GPRC5B: variants seen among roughly 807,000 people sequenced by gnomAD.
The protein encoded by GPRC5B is G protein-coupled receptor class C group 5 member B, also known as G protein-coupled receptor family C group 5 member B.
A neutral mutation model predicts 30.1 loss-of-function variants in GPRC5B; 16 were observed. The observed-to-expected ratio is 0.53, with a 90% CI of 0.36 to 0.81. The LOEUF (loss-of-function observed/expected upper bound fraction) is 0.81, where lower values mean the gene tolerates loss of function less well. Ranked by LOEUF, GPRC5B falls within the 30% of genes least tolerant of loss-of-function variation. The pLI is 0.01. For missense variants in GPRC5B, 428 were observed against 544.7 expected (o/e 0.79, Z 2.13); for synonymous variants, 241 against 239.5 (o/e 1.01, Z -0.06).
chr16:19,872,792 G>A lies in GPRC5B; in HGVS notation c.54C>T (p.Leu18=), dbSNP rs2056733446. The A allele has an allele frequency of 1.2e-6, 2 of 1,613,906 alleles. No individual in the cohort carries two copies. The highest frequency in any genetic ancestry group is 1.7e-6 in the Non-Finnish European group (2 of 1,179,990). Residue 18 remains leucine, a synonymous_variant, in exon 2 of 4, where the codon CTC becomes CTT. Coordinates refer to ENST00000300571, the MANE Select transcript of GPRC5B (RefSeq NM_016235.3). This position sits in a 1 kb window ranked among gnomAD's most constrained non-coding sequence, Gnocchi z 5.0. The part of the protein sequence containing the change: ...KMRAHQVLTF[L]LLFVITSVAS... ...CCACCGAGGTGATCACGAAGAGCAG[G>A]AGGAAGGTGAGCACCTGGTGAGCTC...
Position 19,860,461 on chromosome 16 carries a change from C to A in GPRC5B, c.*39G>T, listed in dbSNP as rs746052504. The A allele has an allele frequency of 2.2e-6, 3 of 1,355,952 alleles. No homozygotes were observed. The highest frequency in any genetic ancestry group is 1.2e-5 in the South Asian group (1 of 84,916). The allele number at this position is 1,355,952 out of a possible 1,614,324, so 84.0% of individuals were successfully genotyped here. On this transcript the variant is annotated 3_prime_UTR_variant, in exon 4 of 4. Transcript: ENST00000300571. The stretch of plus-strand genomic sequence containing the variant: ...GAAAGACACAGCCAGGGAGGCAAAT[C>A]GGTAAGAGAAATTCTGATTCTCTGG...
chr16:19,883,309 C>G (rs1053060453), intron 1 of GPRC5B, among the ~76,000 whole-genome samples: 1 of 152,226 alleles, frequency 6.6e-6, no homozygotes, highest in Non-Finnish European at 1.5e-5. Flanking sequence ...TCCTTCCCTT[C>G]CCAACTCAGC....
chr16:19,882,737 C>G (rs1229685580), intron 1 of GPRC5B, among the ~76,000 whole-genome samples: 1 of 152,176 alleles, frequency 6.6e-6, no homozygotes, highest in South Asian at 2.1e-4. Context: ...CTGGTCCAAA[C>G]AGAATAAACC....
intron 1 of GPRC5B, among the ~76,000 whole-genome samples, chr16:19,878,015 A>G (rs7196559): frequency 0.99 from 149,892 of 152,034 alleles, 73,894 homozygotes; most frequent in East Asian, 1. Flanking sequence ...TCTAGCCAAC[A>G]TGGTGAAACC....
chr16:19,883,214 G>A (rs957992508), intron 1 of GPRC5B, among the ~76,000 whole-genome samples: 5 of 152,152 alleles, frequency 3.3e-5, no homozygotes, highest in African/African-American at 1.2e-4. Context: ...TATTAATCCA[G>A]TAAAGATTCT....
chr16:19,871,970 G>A lies in GPRC5B; in HGVS notation c.876C>T (p.Ile292=). Residue 292 remains isoleucine, a synonymous_variant, in exon 2 of 4, where the codon ATC becomes ATT. Transcript: ENST00000300571. ...VFVIFHAIPE[I]HCTLLPALQE... is the part of the protein sequence containing the mutation. ...GCAGGGCTGGCAGAAGGGTGCAGTG[G>A]ATCTCAGGGATGGCGTGGAAGATGA... The A allele has an allele frequency of 6.2e-7, 1 of 1,614,116 alleles. No individual in the cohort carries two copies. Among genetic ancestry groups the A allele is most frequent in the Non-Finnish European group, 8.5e-7 (1 of 1,180,030 alleles).
chr16:19,867,559 T>C (rs937955509), intron 2 of GPRC5B, among the ~76,000 whole-genome samples: 2 of 152,212 alleles, frequency 1.3e-5, no homozygotes, highest in African/African-American at 4.8e-5. Flanking sequence ...GGAATCATCA[T>C]GTTCAACAAC....
In GPRC5B at chr16:19,858,704, C is replaced by T. The variant is rs543246512; in HGVS notation, c.*1796G>A. ...CTCCCACCCCTCCCCAGGACTCTTA[C>T]GTTTTCTGTCCACGCAATGACTGGA... On this transcript the variant is annotated 3_prime_UTR_variant, in exon 4 of 4. Transcript: ENST00000300571. The T allele has an allele frequency of 4.5e-6, 2 of 445,158 alleles. No homozygotes were observed. Among genetic ancestry groups the T allele is most frequent in the Middle Eastern group, 5.6e-4 (1 of 1,786 alleles). 27.6% of individuals were successfully genotyped at this position (445,158 alleles called of 1,614,324 possible). A position where few individuals can be genotyped will look rare whatever the true frequency, so the allele number is the denominator to read the frequency against.
At position 19,872,689 on chromosome 16, in the gene GPRC5B, C is replaced by T. The variant is rs137970804; in HGVS notation, c.157G>A (p.Ala53Thr). ...PQYVSLCDLD[A>T]IWGIVVEAVA... ...GCCTCCACCACAATGCCCCAGATGG[C>T]GTCCAGGTCGCACAGGGACACGTAC... is the stretch of plus-strand genomic sequence containing the variant. The change falls in exon 2 of 4, where the codon GCC becomes ACC. Residue 53 changes from alanine to threonine, a missense_variant. By Grantham distance (58) the Ala-to-Thr change is moderately conservative. Transcript: ENST00000300571. This position sits in a 1 kb window ranked among gnomAD's most constrained non-coding sequence, Gnocchi z 5.0. 59 of 1,614,070 alleles carry T rather than the reference C, an allele frequency of 3.7e-5. No homozygotes were observed. In the African/African-American group the frequency reaches 6.0e-4, roughly 16 times the overall value.
At chr16:19,879,709 C>T (rs1336080120) in intron 1 of GPRC5B, among the ~76,000 whole-genome samples, 1 of 152,204 alleles carries the variant, frequency 6.6e-6, no homozygotes, top group Non-Finnish European at 1.5e-5. Context: ...GGGCAGCTGC[C>T]ATAAGGTGCC....
chr16:19,866,508 G>T (rs957099300), intron 2 of GPRC5B, among the ~76,000 whole-genome samples: 3 of 151,990 alleles, frequency 2.0e-5, no homozygotes, highest in Non-Finnish European at 2.9e-5. Flanking sequence ...CTACAGGCAT[G>T]CACCACCATG....
At position 19,872,438 on chromosome 16, in the gene GPRC5B, G is replaced by A; in HGVS notation, c.408C>T (p.Cys136=). The A allele has an allele frequency of 1.9e-6, 3 of 1,613,930 alleles. No homozygotes were observed. Among genetic ancestry groups the A allele is most frequent in the Non-Finnish European group, 2.5e-6 (3 of 1,179,890 alleles). ...ATGCCTGGCTCAGCAGGCAGGAGAAGCAGAGCGCAAAGAGGACGCCCCAGA... is the reference window on the plus strand; with the variant it reads ...ATGCCTGGCTCAGCAGGCAGGAGAAACAGAGCGCAAAGAGGACGCCCCAGA... ...RFLWGVLFAL[C]FSCLLSQAWR... Residue 136 remains cysteine (C), a synonymous_variant, in exon 2 of 4, where the codon TGC becomes TGT. Transcript: ENST00000300571. The surrounding 1 kb of genome is among the most constrained non-coding windows in gnomAD (Gnocchi z 5.0).
In GPRC5B at chr16:19,877,964, C is replaced by T. The variant is rs543596166; in HGVS notation, c.-1-5118G>A. On this transcript the variant is annotated intron_variant, in intron 1 of 3. Coordinates refer to ENST00000300571, the MANE Select transcript of GPRC5B (RefSeq NM_016235.3). ...CTGTAATCCCAGCACTCTGGGAGGC[C>T]GAGGCAGGCAGATCATTTAAGGACA... Among the ~76,000 whole-genome samples, 5 of 151,914 alleles carry T rather than the reference C, an allele frequency of 3.3e-5. 1 individual carries two copies. In the South Asian group the frequency reaches 6.2e-4, roughly 19 times the overall value.
chr16:19,870,976 G>GAAAAAAAAA (rs35934193), intron 2 of GPRC5B, among the ~76,000 whole-genome samples: 1 of 146,798 alleles, frequency 6.8e-6, no homozygotes, highest in Non-Finnish European at 1.5e-5. Context: ...AATTGGTAGG[G>GAAAAAAAAA]AAAAAAAAAA....
chr16:19,875,700 A>G (rs1336800918), intron 1 of GPRC5B, among the ~76,000 whole-genome samples: 1 of 152,056 alleles, frequency 6.6e-6, no homozygotes, highest in Middle Eastern at 3.2e-3. Flanking sequence ...AATCGCTTGA[A>G]CCTGGGAGGT....
chr16:19,885,379 A>G (rs1348491460), upstream of GPRC5B: 1 of 1,178,000 alleles, frequency 8.5e-7, no homozygotes, highest in Non-Finnish European at 1.1e-6. The surrounding 1 kb of genome is among the most constrained non-coding windows in gnomAD (Gnocchi z 5.3). Flanking sequence ...CCCGGTATAC[A>G]CCTAGGCGCA....
At chr16:19,863,383 G>T (rs1470245310) in intron 2 of GPRC5B, among the ~76,000 whole-genome samples, 3 of 150,252 alleles carry the variant, frequency 2.0e-5, no homozygotes, top group African/African-American at 7.3e-5. Flanking sequence ...CTGACTATAT[G>T]TACTTTCATT....
chr16:19,872,746 A>G lies in GPRC5B; in HGVS notation c.100T>C (p.Ser34Pro), dbSNP rs1422883031. The change falls in exon 2 of 4, where the codon TCC becomes CCC. Residue 34 changes from serine to proline, a missense_variant. Coordinates refer to ENST00000300571, the MANE Select transcript of GPRC5B (RefSeq NM_016235.3). The surrounding 1 kb of genome is among the most constrained non-coding windows in gnomAD (Gnocchi z 5.0). The part of the protein sequence containing the change: ...TSVASENAST[S>P]RGCGLDLLPQ... ...AGGAGGTCCAGCCCACAGCCTCGGG[A>G]TGTGCTGGCGTTTTCAGAGGCCACC... 1 of 1,613,558 alleles carries G rather than the reference A, an allele frequency of 6.2e-7. No homozygotes were observed. The highest frequency in any genetic ancestry group is 1.3e-5 in the African/African-American group (1 of 75,046).
At chr16:19,879,860 G>A (rs1017725538) in intron 1 of GPRC5B, among the ~76,000 whole-genome samples, 4 of 152,148 alleles carry the variant, frequency 2.6e-5, no homozygotes, top group East Asian at 3.9e-4. Context: ...AAGGCCAAGC[G>A]CCGTAGCTCA....
Sources: allele counts gnomAD v4.1 joint callset (sites outside exome capture counted in the v4.1 genomes callset), GRCh38; gene constraint gnomAD v4.1.1; non-coding constraint Gnocchi (gnomAD v3.1); transcripts MANE v1.5; gene names NCBI Gene and HGNC (gene_info 2026-07-23, HGNC 2026-07-21).